STK39: variants seen among roughly 807,000 people sequenced by gnomAD.
STK39 encodes the protein serine/threonine kinase 39.
Under a neutral mutation model 77.8 loss-of-function variants are expected in STK39, and 20 were observed. That is an observed-to-expected ratio of 0.26 (90% CI 0.18 to 0.37). STK39 has a LOEUF of 0.37. Ranked by LOEUF, STK39 falls within the 10% of genes least tolerant of loss-of-function variation. The pLI, the probability that STK39 is intolerant of heterozygous loss-of-function variation, is 1.00. For synonymous variants in STK39, 246 were observed against 234.1 expected, an observed-to-expected ratio of 1.05 and a Z score of -0.47; for missense variants, 479 against 656.5, an observed-to-expected ratio of 0.73 and a Z score of 2.95.
At chr2:168,211,948 C>A (rs1689901816) in intron 1 of STK39, among the ~76,000 whole-genome samples, 1 of 152,232 alleles carries the variant, frequency 6.6e-6, no homozygotes, top group Admixed American at 6.5e-5. Flanking sequence ...AACTGCCCCA[C>A]TCTGTCACAG....
At chr2:168,238,132 C>T (rs1690667691) in intron 1 of STK39, among the ~76,000 whole-genome samples, 1 of 152,084 alleles carries the variant, frequency 6.6e-6, no homozygotes. Context: ...CTGATGCAAC[C>T]AGTTCAAAAC....
chr2:168,197,325 C>T (rs950932137), intron 1 of STK39, among the ~76,000 whole-genome samples: 2 of 152,194 alleles, frequency 1.3e-5, no homozygotes, highest in African/African-American at 4.8e-5. Flanking sequence ...ATCATCACTC[C>T]ATTTTATAAT....
chr2:168,096,907 A>G (rs541819937), intron 10 of STK39, among the ~76,000 whole-genome samples: 107 of 61,578 alleles, frequency 1.7e-3, no homozygotes, highest in Non-Finnish European at 4.6e-4. Flanking sequence ...ATAAGCATAG[A>G]AAAAAAAACC....
At chr2:168,094,859 T>C (rs1686620748) in intron 10 of STK39, among the ~76,000 whole-genome samples, 1 of 152,134 alleles carries the variant, frequency 6.6e-6, no homozygotes, top group African/African-American at 2.4e-5. Context: ...GAACTCCTGA[T>C]CTTCCCTGCA....
chr2:167,971,030 C>T (rs1692328405), intron 16 of STK39, among the ~76,000 whole-genome samples: 1 of 152,190 alleles, frequency 6.6e-6, no homozygotes, highest in Non-Finnish European at 1.5e-5. Flanking sequence ...TTTCTTTTGA[C>T]AGATGGTGTC....
chr2:168,183,307 T>G (rs1368060809), intron 1 of STK39, among the ~76,000 whole-genome samples: 1 of 152,144 alleles, frequency 6.6e-6, no homozygotes, highest in East Asian at 1.9e-4. Flanking sequence ...AAGCCCAATT[T>G]GTGTTCACTG....
chr2:167,956,096 T>C (rs1193239789), intron 17 of STK39, among the ~76,000 whole-genome samples: 1 of 152,222 alleles, frequency 6.6e-6, no homozygotes, highest in African/African-American at 2.4e-5. Context: ...AGAACTGCTA[T>C]ATAAATACCA....
In STK39 at chr2:167,973,362, A is replaced by C. The variant is rs1692402536; in HGVS notation, c.1499-8636T>G. 4.6e-5 allele frequency among the ~76,000 whole-genome samples: 7 copies of C among 152,330 alleles called. No homozygotes were observed. In the South Asian group the frequency reaches 1.4e-3, roughly 32 times the overall value. ...TACCTATTTTGGAGCATTAGATTCT[A>C]GATAAGGCCTGAGGACATTCAGAAT... On this transcript the variant is annotated intron_variant, in intron 16 of 17. Transcript: ENST00000355999.
At chr2:168,045,735 G>A (rs1245887840) in intron 14 of STK39, among the ~76,000 whole-genome samples, 1 of 152,136 alleles carries the variant, frequency 6.6e-6, no homozygotes, top group African/African-American at 2.4e-5. Context: ...AAAGATTGAT[G>A]CAAATATCAT....
intron 17 of STK39, among the ~76,000 whole-genome samples, chr2:167,963,073 T>C (rs1296235747): frequency 6.6e-6 from 1 of 152,168 alleles, no homozygotes; most frequent in Non-Finnish European, 1.5e-5. Flanking sequence ...GTAGGAGGAT[T>C]ACTCTGGCTA....
intron 1 of STK39, among the ~76,000 whole-genome samples, chr2:168,192,475 T>C (rs1689363414): frequency 6.6e-6 from 1 of 152,196 alleles, no homozygotes; most frequent in East Asian, 1.9e-4. Flanking sequence ...CTTTTTAATA[T>C]CTAACACTTT....
chr2:167,977,184 G>A (rs945062072), intron 16 of STK39, among the ~76,000 whole-genome samples: 1 of 152,150 alleles, frequency 6.6e-6, no homozygotes, highest in African/African-American at 2.4e-5. Context: ...TACTGGATCT[G>A]TCCTTTAAAA....
rs142791458 is a variant in STK39, at chr2:168,060,229, A to G, written c.1376+3271T>C. 6.5e-3 allele frequency among the ~76,000 whole-genome samples: 990 copies of G among 151,474 alleles called. 18 individuals are homozygous for G. The highest frequency in any genetic ancestry group is 0.023 in the African/African-American group (943 of 41,200). ...ATAACTAGCTTGTAAATATTTAGCGAAAAAAAAAGTACACCAACTGCTATG... is the reference window on the plus strand; with the variant it reads ...ATAACTAGCTTGTAAATATTTAGCGGAAAAAAAAGTACACCAACTGCTATG... On this transcript the variant is annotated intron_variant, in intron 14 of 17. Coordinates refer to ENST00000355999, the MANE Select transcript of STK39 (RefSeq NM_013233.3).
chr2:168,007,595 G>T (rs1684163441), intron 16 of STK39, among the ~76,000 whole-genome samples: 1 of 152,174 alleles, frequency 6.6e-6, no homozygotes, highest in Non-Finnish European at 1.5e-5. Context: ...GTAGAGAGTT[G>T]GGGATGGTGT....
At chr2:168,008,669 G>A (rs1386832499) in intron 16 of STK39, among the ~76,000 whole-genome samples, 1 of 152,118 alleles carries the variant, frequency 6.6e-6, no homozygotes, top group Non-Finnish European at 1.5e-5. Context: ...AGCAAGTAGA[G>A]AAAGAGAAGA....
At chr2:168,227,363 G>T (rs1690334831) in intron 1 of STK39, among the ~76,000 whole-genome samples, 2 of 152,108 alleles carry the variant, frequency 1.3e-5, no homozygotes, top group Non-Finnish European at 1.5e-5. Context: ...AAGCTATTTT[G>T]TCCTTTTGTT....
At chr2:168,203,054 C>T (rs776209137) in intron 1 of STK39, among the ~76,000 whole-genome samples, 1 of 152,134 alleles carries the variant, frequency 6.6e-6, no homozygotes, top group African/African-American at 2.4e-5. Context: ...GATAATTCTT[C>T]GTTGTGAGGT....
At chr2:168,037,435 T>C (rs4668004) in intron 14 of STK39, among the ~76,000 whole-genome samples, 114,561 of 152,108 alleles carry the variant, frequency 0.75, 43,282 homozygotes, top group Non-Finnish European at 0.76. Context: ...ATTGACCTAA[T>C]AATTCAACAT....
At position 168,121,771 on chromosome 2, in the gene STK39, C is replaced by T. The variant is rs116716436; in HGVS notation, c.1089+7770G>A. ...TATTTACATGACAATCACACTGCCA[C>T]TGCTGACTGAGCACCTGCTATGTGT... On this transcript the variant is annotated intron_variant, in intron 10 of 17. Coordinates refer to ENST00000355999, the MANE Select transcript of STK39 (RefSeq NM_013233.3). Among the ~76,000 whole-genome samples, 1,007 of 152,350 alleles carry T rather than the reference C, an allele frequency of 6.6e-3. 6 individuals carry two copies. Among genetic ancestry groups the T allele is most frequent in the Middle Eastern group, 0.024 (7 of 294 alleles).
Sources: gnomAD v4.1 joint callset for allele counts (sites outside exome capture counted in the v4.1 genomes callset) on GRCh38, gnomAD v4.1.1 for gene constraint, MANE v1.5 for transcripts, NCBI Gene and HGNC (gene_info 2026-07-23, HGNC 2026-07-21) for gene names.